SATL1: variants seen among roughly 807,000 people sequenced by gnomAD.
SATL1 encodes spermidine/spermine N(1)-acetyltransferase-like protein 1.
SATL1 carries 47 observed loss-of-function variants against 51.8 expected under a neutral mutation model. The ratio of observed to expected loss-of-function variants is 0.91; its 90% CI spans 0.72 to 1.16. The LOEUF is 1.16. Ranked by LOEUF, SATL1 falls within the 50% of genes most tolerant of loss-of-function variation. The pLI is 0.00. For synonymous variants in SATL1, 176 were observed against 182.4 expected (o/e 0.97, Z 0.28); for missense variants, 520 against 526.4 (o/e 0.99, Z 0.12).
At chrX:85,150,078 A>T in intron 2 of SATL1, among the ~76,000 whole-genome samples, 1 of 111,699 alleles carries the variant, frequency 9.0e-6, no homozygotes, top group Non-Finnish European at 1.9e-5. Flanking sequence ...CAAGACTAAT[A>T]AAGAAGAAAA....
intron 2 of SATL1, among the ~76,000 whole-genome samples, chrX:85,186,134 TG>T (rs1194235464): frequency 1.8e-5 from 2 of 109,255 alleles, no homozygotes; most frequent in African/African-American, 6.7e-5. Context: ...GGGCTTGAAA[TG>T]GGGGCCCCTC....
At chrX:85,177,221 A>G (rs1827041582) in intron 2 of SATL1, among the ~76,000 whole-genome samples, 1 of 111,504 alleles carries the variant, frequency 9.0e-6, no homozygotes. Flanking sequence ...GTTGAAATTC[A>G]CATAAGATCT....
At chrX:85,234,893 C>T (rs1928449164) in intron 1 of SATL1, among the ~76,000 whole-genome samples, 1 of 110,358 alleles carries the variant, frequency 9.1e-6, no homozygotes, top group Non-Finnish European at 1.9e-5. Flanking sequence ...ATGGACTTAA[C>T]TCTCTAATCA....
At chrX:85,170,909 A>G (rs1265437307) in intron 2 of SATL1, among the ~76,000 whole-genome samples, 1 of 111,570 alleles carries the variant, frequency 9.0e-6, no homozygotes, top group Admixed American at 9.6e-5. Context: ...AATTATATAA[A>G]TGCTTGAACA....
chrX:85,127,966 G>C (rs1165357518), intron 2 of SATL1, among the ~76,000 whole-genome samples: 2 of 104,249 alleles, frequency 1.9e-5, no homozygotes, highest in Non-Finnish European at 3.9e-5. Flanking sequence ...CGCTACAAAG[G>C]ACAAGAACTT....
intron 1 of SATL1, among the ~76,000 whole-genome samples, chrX:85,233,950 A>C (rs768796356): frequency 9.0e-6 from 1 of 111,457 alleles, no homozygotes; most frequent in South Asian, 3.8e-4. Context: ...AGGAGGTTAT[A>C]AAACACCAAG....
At chrX:85,238,704 C>T (rs1044202445) in intron 1 of SATL1, among the ~76,000 whole-genome samples, 1 of 111,016 alleles carries the variant, frequency 9.0e-6, no homozygotes, top group African/African-American at 3.3e-5. Flanking sequence ...TTAGAAATAA[C>T]TAAAAGAATA....
At chrX:85,199,369 G>A (rs1927645073) in intron 2 of SATL1, among the ~76,000 whole-genome samples, 1 of 111,579 alleles carries the variant, frequency 9.0e-6, no homozygotes, top group Non-Finnish European at 1.9e-5. Context: ...GAACGCTTTG[G>A]AAGCTCCTCA....
chrX:85,128,312 T>A (rs1419146757), intron 2 of SATL1, among the ~76,000 whole-genome samples: 2 of 111,905 alleles, frequency 1.8e-5, no homozygotes, highest in South Asian at 3.8e-4. Flanking sequence ...GCACCTGTTG[T>A]TTCCTGACTT....
At chrX:85,120,243 T>C (rs1925475471) in intron 2 of SATL1, among the ~76,000 whole-genome samples, 1 of 111,544 alleles carries the variant, frequency 9.0e-6, no homozygotes, top group South Asian at 3.7e-4. Context: ...ATATTCCCTT[T>C]ATTTGTACTC....
chrX:85,150,606 G>T (rs1926400910), intron 2 of SATL1, among the ~76,000 whole-genome samples: 1 of 111,620 alleles, frequency 9.0e-6, no homozygotes, highest in African/African-American at 3.3e-5. Context: ...TCATCAAGAA[G>T]CTTATCCACC....
At chrX:85,152,970 T>G (rs1926495953) in intron 2 of SATL1, among the ~76,000 whole-genome samples, 2 of 108,549 alleles carry the variant, frequency 1.8e-5, no homozygotes, top group Admixed American at 2.0e-4. Flanking sequence ...AGTATAATAA[T>G]AAAAATAAAT....
chrX:85,118,087 C>CTTTTTATTTTTTTTTTTTTT (rs1925421445), intron 2 of SATL1, among the ~76,000 whole-genome samples: 1 of 46,171 alleles, frequency 2.2e-5, no homozygotes, highest in Admixed American at 3.4e-4. Flanking sequence ...AAGAACTTAG[C>CTTTTTATTTTTTTTTTTTTT]TTTTTTTTTT....
chrX:85,108,278 G>T lies in SATL1; in HGVS notation c.691C>A (p.Pro231Thr). The T allele has an allele frequency of 1.7e-6, 2 of 1,211,110 alleles. No homozygotes were observed. The highest frequency in any genetic ancestry group is 2.3e-4 in the Middle Eastern group (1 of 4,351). The change falls in exon 3 of 8, where the codon CCA (proline) becomes ACA (threonine). Residue 231 changes from proline to threonine, a missense_variant. Physicochemically the swap from Pro to Thr is conservative, Grantham distance 38. Transcript: ENST00000644105. ...TTCTTACATGATTGGCTAGTGTCTGGTTGCCTTATGCCTGGTTGGCTGGGG... is the reference window on the plus strand; with the variant it reads ...TTCTTACATGATTGGCTAGTGTCTGTTTGCCTTATGCCTGGTTGGCTGGGG... ...QVPSQPGIRQ[P>T]DTSQSCKNQT... is the part of the protein sequence containing the mutation.
At chrX:85,096,551 A>G (rs1362318011) in intron 4 of SATL1, among the ~76,000 whole-genome samples, 1 of 111,711 alleles carries the variant, frequency 9.0e-6, no homozygotes, top group Non-Finnish European at 1.9e-5. Context: ...AAGAAGCTCA[A>G]CAAACTCTAA....
intron 2 of SATL1, among the ~76,000 whole-genome samples, chrX:85,169,016 A>G (rs1312522247): frequency 8.9e-6 from 1 of 112,349 alleles, no homozygotes. Context: ...AAAACAAGCA[A>G]TGGGAAAAAG....
At chrX:85,146,194 G>A (rs370780195) in intron 2 of SATL1, among the ~76,000 whole-genome samples, 14 of 111,630 alleles carry the variant, frequency 1.3e-4, no homozygotes, top group South Asian at 3.7e-4. Flanking sequence ...CACTGTGCCC[G>A]GCCTACAGTA....
rs374894829 is a variant in SATL1, at chrX:85,125,215, G to A, written c.-312-15935C>T. 2.7e-5 allele frequency among the ~76,000 whole-genome samples: 3 copies of A among 111,312 alleles called. No homozygotes were observed. The East Asian group carries it at 8.5e-4, about 32-fold the overall frequency. ...CAGCTCATGCCAGACATCATTTTAT[G>A]CATTGGAGATACATGGTACACAGAC... On this transcript the variant is annotated intron_variant, in intron 2 of 7. Transcript: ENST00000644105.
At chrX:85,119,058 A>T in intron 2 of SATL1, among the ~76,000 whole-genome samples, 1 of 112,006 alleles carries the variant, frequency 8.9e-6, no homozygotes, top group East Asian at 2.8e-4. Flanking sequence ...AGGCAATGCC[A>T]AACATTAATC....
Sources: gnomAD v4.1 joint callset for allele counts (sites outside exome capture counted in the v4.1 genomes callset) on GRCh38, gnomAD v4.1.1 for gene constraint, MANE v1.5 for transcripts, NCBI Gene and HGNC (gene_info 2026-07-23, HGNC 2026-07-21) for gene names.